The following LYPD6B variants were observed in gnomAD, a reference collection of about 807,000 sequenced individuals.
The protein encoded by LYPD6B is LY6/PLAUR domain containing 6B.
In LYPD6B, 17 loss-of-function variants were observed where a neutral mutation model predicts 22.8. The observed-to-expected ratio is 0.75, with a 90% CI of 0.51 to 1.12. The LOEUF (loss-of-function observed/expected upper bound fraction) is 1.12, where lower values mean the gene tolerates loss of function less well. Ranked by LOEUF, LYPD6B falls within the 50% of genes most tolerant of loss-of-function variation. The probability of loss-of-function intolerance (pLI) is 0.00; values close to 1 mark genes in which losing one functional copy is unlikely to be tolerated. For missense variants in LYPD6B, 221 were observed against 258.3 expected (o/e 0.86, Z 0.99); for synonymous variants, 106 against 91.6 (o/e 1.16, Z -0.90).
chr2:149,098,826 C>T (rs1209255870), intron 1 of LYPD6B, among the ~76,000 whole-genome samples: 7 of 148,606 alleles, frequency 4.7e-5, no homozygotes, highest in Admixed American at 2.0e-4. Context: ...TGCATGATGA[C>T]GGGACTTTGA....
intron 1 of LYPD6B, among the ~76,000 whole-genome samples, chr2:149,073,920 G>A (rs541801495): frequency 5.3e-5 from 8 of 152,006 alleles, no homozygotes; most frequent in South Asian, 2.1e-4. Flanking sequence ...ACGGCTGTAC[G>A]AAAGGAGAAG....
chr2:149,131,233 G>T, intron 2 of LYPD6B: 1 of 393,624 alleles, frequency 2.5e-6, no homozygotes, highest in Non-Finnish European at 4.5e-6. Flanking sequence ...TTGCAATTGT[G>T]GATTCATTTC....
At chr2:149,086,405 A>T (rs756659464) in intron 1 of LYPD6B, among the ~76,000 whole-genome samples, 1 of 152,174 alleles carries the variant, frequency 6.6e-6, no homozygotes, top group Non-Finnish European at 1.5e-5. Flanking sequence ...TTCCAGACTG[A>T]AGAAGGGAGA....
chr2:149,062,167 A>G (rs1478266755), intron 1 of LYPD6B, among the ~76,000 whole-genome samples: 1 of 151,974 alleles, frequency 6.6e-6, no homozygotes, highest in Admixed American at 6.6e-5. Context: ...TTGTATTTTT[A>G]GTAGAGACGG....
At chr2:149,052,120 A>G (rs1366071942) in intron 1 of LYPD6B, among the ~76,000 whole-genome samples, 3 of 151,988 alleles carry the variant, frequency 2.0e-5, no homozygotes, top group Non-Finnish European at 4.4e-5. Flanking sequence ...ACAGTGGCAC[A>G]GTGTTGGCTC....
chr2:149,055,664 T>C (rs1306054585), intron 1 of LYPD6B, among the ~76,000 whole-genome samples: 4 of 152,222 alleles, frequency 2.6e-5, no homozygotes, highest in Admixed American at 6.5e-5. Flanking sequence ...CAGTTTCATT[T>C]TGGGGTTGTT....
intron 1 of LYPD6B, among the ~76,000 whole-genome samples, chr2:149,046,916 C>T (rs58091520): frequency 0.011 from 1,679 of 152,204 alleles, 29 homozygotes; most frequent in African/African-American, 0.036. Context: ...TTATTTTAGG[C>T]TTTGAGGCCA....
At chr2:149,069,076 A>G (rs1287125890) in intron 1 of LYPD6B, among the ~76,000 whole-genome samples, 1 of 149,238 alleles carries the variant, frequency 6.7e-6, no homozygotes, top group Non-Finnish European at 1.5e-5. Context: ...GTTCTTTATT[A>G]TGTAGACTTT....
In LYPD6B at chr2:149,214,853, C is replaced by T. The variant is rs1694094507; in HGVS notation, c.*143C>T. The T allele has an allele frequency of 1.1e-6, 1 of 898,894 alleles. No homozygotes were observed. The highest frequency in any genetic ancestry group is 1.8e-6 in the Non-Finnish European group (1 of 568,952). The allele number at this position is 898,894 out of a possible 1,614,324, so 55.7% of individuals were successfully genotyped here. ...CCTCAAGGCGAAAGCCAGTGGTTTG[C>T]TTGGATAAAATGTTCCCGCATGAGG... On this transcript the variant is annotated 3_prime_UTR_variant, in exon 7 of 7. Transcript: ENST00000409642.
At position 149,214,620 on chromosome 2, in the gene LYPD6B, C is replaced by G; in HGVS notation, c.534C>G (p.Ala178=). The change falls in exon 7 of 7, where the codon GCC becomes GCG. Residue 178 remains alanine, a synonymous_variant. Coordinates refer to ENST00000409642, the MANE Select transcript of LYPD6B (RefSeq NM_177964.5). The stretch of plus-strand genomic sequence containing the variant: ...CCAATCACACTAATGCAGTGTTTGC[C>G]GTAATGCACGCTCAGAGAACATCTG... ...LPTNHTNAVF[A]VMHAQRTSGS... The G allele has an allele frequency of 6.2e-7, 1 of 1,613,870 alleles. No homozygotes were observed. Among genetic ancestry groups the G allele is most frequent in the East Asian group, 2.2e-5 (1 of 44,860 alleles).
intron 1 of LYPD6B, among the ~76,000 whole-genome samples, chr2:149,062,556 T>C (rs1363412502): frequency 6.6e-6 from 1 of 152,126 alleles, no homozygotes; most frequent in Non-Finnish European, 1.5e-5. Flanking sequence ...CAGAAAAGCT[T>C]ACGTTATAAA....
At chr2:149,191,930 A>ACACTG (rs1247606631) in intron 3 of LYPD6B, among the ~76,000 whole-genome samples, 21 of 152,344 alleles carry the variant, frequency 1.4e-4, no homozygotes, top group African/African-American at 4.8e-4. Context: ...AGGAAAAAGG[A>ACACTG]CACTGTTTTG....
At chr2:149,090,824 C>T (rs1232698561) in intron 1 of LYPD6B, among the ~76,000 whole-genome samples, 1 of 152,116 alleles carries the variant, frequency 6.6e-6, no homozygotes, top group Non-Finnish European at 1.5e-5. Flanking sequence ...AAGTGACAGG[C>T]ATTGATCATT....
chr2:149,147,198 A>G (rs1689077964), intron 2 of LYPD6B, among the ~76,000 whole-genome samples: 1 of 151,988 alleles, frequency 6.6e-6, no homozygotes, highest in Non-Finnish European at 1.5e-5. Context: ...CTCAAACTCT[A>G]CGTGTTCAAA....
rs79413717 is a variant in LYPD6B at position 149,187,845 on chromosome 2, T to C, written c.78-17408T>C. On this transcript the variant is annotated intron_variant, in intron 3 of 6. Coordinates refer to ENST00000409642, the MANE Select transcript of LYPD6B (RefSeq NM_177964.5). ...TGGGCTGCATGCAGCCTGTGGGCCATGGGTTGGACGAGCTTGCCTTAGAGG... is the reference window on the plus strand; with the variant it reads ...TGGGCTGCATGCAGCCTGTGGGCCACGGGTTGGACGAGCTTGCCTTAGAGG... 2.9e-3 allele frequency among the ~76,000 whole-genome samples: 438 copies of C among 152,368 alleles called. 3 individuals carry two copies. Among genetic ancestry groups the C allele is most frequent in the African/African-American group, 0.01 (423 of 41,584 alleles).
intron 1 of LYPD6B, among the ~76,000 whole-genome samples, chr2:149,120,588 T>C (rs10930272): frequency 0.1 from 14,771 of 147,872 alleles, 2,146 homozygotes; most frequent in African/African-American, 0.3. Flanking sequence ...TTTCACCGGG[T>C]TAGCCAGGAT....
intron 1 of LYPD6B, among the ~76,000 whole-genome samples, chr2:149,105,660 T>C (rs1686437374): frequency 6.6e-6 from 1 of 152,192 alleles, no homozygotes; most frequent in African/African-American, 2.4e-5. Flanking sequence ...TACTGCATCC[T>C]ACAGACTGAC....
chr2:149,100,075 GAA>G (rs1266083510), intron 1 of LYPD6B, among the ~76,000 whole-genome samples: 1 of 152,104 alleles, frequency 6.6e-6, no homozygotes, highest in Non-Finnish European at 1.5e-5. Flanking sequence ...TTCCTCTTAG[GAA>G]AAGATTGATT....
intron 3 of LYPD6B, among the ~76,000 whole-genome samples, chr2:149,201,613 A>G (rs1693157405): frequency 6.6e-6 from 1 of 151,586 alleles, no homozygotes; most frequent in African/African-American, 2.4e-5. Context: ...AAGAATAGAT[A>G]TAGATAGATA....
Sources: gnomAD v4.1 joint callset for allele counts (sites outside exome capture counted in the v4.1 genomes callset) on GRCh38, gnomAD v4.1.1 for gene constraint, MANE v1.5 for transcripts, NCBI Gene and HGNC (gene_info 2026-07-23, HGNC 2026-07-21) for gene names.